The following PACS2 variants were observed in gnomAD, a reference collection of about 807,000 sequenced individuals.
PACS2 encodes the protein phosphofurin acidic cluster sorting protein 2.
In PACS2, 36 loss-of-function variants were observed where a neutral mutation model predicts 113.0. That is an observed-to-expected ratio of 0.32 (90% CI 0.24 to 0.42). PACS2 has a LOEUF of 0.42. Among genes scored for constraint, PACS2 ranks in the 10% least tolerant of loss-of-function variants. The pLI is 1.00. For synonymous variants in PACS2, 589 were observed against 536.1 expected, an observed-to-expected ratio of 1.10 and a Z score of -1.36; for missense variants, 1,015 against 1,239.5, an observed-to-expected ratio of 0.82 and a Z score of 2.72.
chr14:105,360,401 G>A (rs587685332), intron 4 of PACS2, among the ~76,000 whole-genome samples: 5 of 152,004 alleles, frequency 3.3e-5, no homozygotes, highest in East Asian at 1.9e-4. Context: ...AAAATTAGCC[G>A]GGCGTCGTGG....
chr14:105,314,249 C>T (rs1439983452), upstream of PACS2, among the ~76,000 whole-genome samples: 2 of 148,924 alleles, frequency 1.3e-5, no homozygotes, highest in African/African-American at 4.9e-5. Context: ...CGGGGGTCGG[C>T]AGGAGACAAG....
intron 1 of PACS2, among the ~76,000 whole-genome samples, chr14:105,306,468 T>G (rs1262794353): frequency 6.6e-6 from 1 of 151,940 alleles, no homozygotes; most frequent in Non-Finnish European, 1.5e-5. Flanking sequence ...CATGCCCGGC[T>G]AATTTTTTGT....
In PACS2 at chr14:105,392,797, A is replaced by G. The variant is rs782617721; in HGVS notation, c.2434A>G (p.Thr812Ala). 1.9e-6 allele frequency: 3 copies of G among 1,609,428 alleles called. No homozygotes were observed. Among genetic ancestry groups the G allele is most frequent in the South Asian group, 2.2e-5 (2 of 91,066 alleles). ...RLPSSGEAAA[T>A]PTMSMTVVTK... The stretch of plus-strand genomic sequence containing the variant: ...GCCCAGCAGCGGCGAGGCTGCAGCC[A>G]CGCCCACCATGTCCATGACCGTGGT... The change falls in exon 23 of 25, where the codon ACG (threonine) becomes GCG (alanine). Residue 812 changes from threonine (T) to alanine (A), a missense_variant. Coordinates refer to ENST00000447393, the MANE Select transcript of PACS2 (RefSeq NM_001100913.3).
intron 1 of PACS2, among the ~76,000 whole-genome samples, chr14:105,347,054 C>A (rs782753726): frequency 7.2e-6 from 1 of 138,080 alleles, no homozygotes; most frequent in Non-Finnish European, 1.6e-5. Flanking sequence ...CCGCTGTCCC[C>A]GTTGCACCTC....
chr14:105,344,406 C>T (rs2059843879), intron 1 of PACS2, among the ~76,000 whole-genome samples: 1 of 152,030 alleles, frequency 6.6e-6, no homozygotes, highest in Non-Finnish European at 1.5e-5. Context: ...TTCTCCCACA[C>T]CCGGCCCAGA....
chr14:105,380,904 G>A lies in PACS2; in HGVS notation c.1126-53G>A, dbSNP rs1422140917. The A allele has an allele frequency of 1.1e-5, 17 of 1,550,448 alleles. No individual in the cohort carries two copies. The Admixed American group carries it at 1.8e-4, about 17-fold the overall frequency. On this transcript the variant is annotated intron_variant, in intron 11 of 24. Transcript: ENST00000447393. ...CAGAGGCCACAGGGCTGGAGAGGCCGCAGCACGGGTGTGGTTTCCACGGGA... is the reference window on the plus strand; with the variant it reads ...CAGAGGCCACAGGGCTGGAGAGGCCACAGCACGGGTGTGGTTTCCACGGGA...
intron 1 of PACS2, among the ~76,000 whole-genome samples, chr14:105,339,588 T>C (rs1044172878): frequency 5.3e-5 from 8 of 151,154 alleles, no homozygotes; most frequent in Non-Finnish European, 1.2e-4. Context: ...CCTAGCACTT[T>C]GGGAGGCTGA....
rs144032528 is a variant in PACS2 at position 105,393,430 on chromosome 14, C to T, written c.2596+95C>T. The T allele has an allele frequency of 2.4e-4, 170 of 712,136 alleles. 2 individuals carry two copies. The Middle Eastern group carries it at 2.6e-3, about 11-fold the overall frequency. 44.1% of individuals were successfully genotyped at this position (712,136 alleles called of 1,614,324 possible). A position where few individuals can be genotyped will look rare whatever the true frequency, so the allele number is the denominator to read the frequency against. ...CCCAGCCTAGGAGCTGCGGGTGTCTCGCTGTGACACGCACATTCCACGATT... is the reference window on the plus strand; with the variant it reads ...CCCAGCCTAGGAGCTGCGGGTGTCTTGCTGTGACACGCACATTCCACGATT... On this transcript the variant is annotated intron_variant, in intron 24 of 24. Transcript: ENST00000447393.
chr14:105,376,724 G>A lies in PACS2; in HGVS notation c.802-44G>A, dbSNP rs1340795995. 1.0e-5 allele frequency: 16 copies of A among 1,595,982 alleles called. No individual in the cohort carries two copies. The highest frequency in any genetic ancestry group is 1.3e-5 in the Non-Finnish European group (15 of 1,168,996). On this transcript the variant is annotated intron_variant, in intron 8 of 24. Coordinates refer to ENST00000447393, the MANE Select transcript of PACS2 (RefSeq NM_001100913.3). This position sits in a 1 kb window ranked among gnomAD's most constrained non-coding sequence, Gnocchi z 4.7. ...TCTCGGGCGCCCCCAGTGGGGCAAT[G>A]TGGGCTGCTGCAGGGAACTCACGCG... is the stretch of plus-strand genomic sequence containing the variant.
intron 16 of PACS2, 45 bp downstream of exon 16, chr14:105,383,558 G>T: frequency 1.3e-6 from 2 of 1,531,188 alleles, no homozygotes; most frequent in Non-Finnish European, 1.8e-6. Context: ...AGATGCCACG[G>T]GCAGTGTGGC....
At chr14:105,341,553 T>A (rs1315481228) in intron 1 of PACS2, among the ~76,000 whole-genome samples, 5 of 152,232 alleles carry the variant, frequency 3.3e-5, no homozygotes, top group African/African-American at 1.2e-4. Context: ...CTGGTGTCTT[T>A]GTTATGATTC....
At position 105,382,029 on chromosome 14, in the gene PACS2, G is replaced by T. The variant is rs372204325; in HGVS notation, c.1384G>T (p.Ala462Ser). The change falls in exon 13 of 25, where the codon GCC becomes TCC. Residue 462 changes from alanine to serine, a missense_variant. Ala to Ser is a moderately conservative substitution (Grantham distance 99). Coordinates refer to ENST00000447393, the MANE Select transcript of PACS2 (RefSeq NM_001100913.3). Reference protein sequence around the residue: ...NSLDNERCPDARSQLQVQLQI... With the variant: ...NSLDNERCPDSRSQLQVQLQI... Reference sequence around the variant, plus strand: ...CCTGGACAACGAGCGCTGCCCGGACGCCCGGAGCCAGCTACAGGTGCAGCT... The same window carrying T: ...CCTGGACAACGAGCGCTGCCCGGACTCCCGGAGCCAGCTACAGGTGCAGCT... The T allele has an allele frequency of 1.9e-5, 29 of 1,549,214 alleles. No individual in the cohort carries two copies. The highest frequency in any genetic ancestry group is 2.7e-5 in the African/African-American group (2 of 72,996).
rs2058496239 is a variant in PACS2, at chr14:105,314,859, C to T, written c.-60C>T. On this transcript the variant is annotated 5_prime_UTR_variant, in exon 1 of 25. Transcript: ENST00000447393. ...GCCCTCCGCGCGCCCGGCCCGCCCGCCGCGCGTCCGCGGCCCGGCCGCAGC... is the reference window on the plus strand; with the variant it reads ...GCCCTCCGCGCGCCCGGCCCGCCCGTCGCGCGTCCGCGGCCCGGCCGCAGC... 5 of 805,310 alleles carry T rather than the reference C, an allele frequency of 6.2e-6. No homozygotes were observed. Among genetic ancestry groups the T allele is most frequent in the Non-Finnish European group, 7.5e-6 (5 of 670,428 alleles). 49.9% of individuals were successfully genotyped at this position (805,310 alleles called of 1,614,324 possible). A position where few individuals can be genotyped will look rare whatever the true frequency, so the allele number is the denominator to read the frequency against.
intron 15 of PACS2, 42 bp downstream of exon 15, chr14:105,382,955 T>G: frequency 1.7e-6 from 2 of 1,186,874 alleles, no homozygotes; most frequent in Non-Finnish European, 2.5e-6. Flanking sequence ...CAAGTACCCC[T>G]CGGGGTCCCT....
At position 105,315,159 on chromosome 14, in the gene PACS2, C is replaced by T. The variant is rs1407227964; in HGVS notation, c.119+122C>T. 1.4e-5 allele frequency: 7 copies of T among 502,116 alleles called. No homozygotes were observed. Among genetic ancestry groups the T allele is most frequent in the Non-Finnish European group, 1.8e-5 (7 of 380,232 alleles). The allele number at this position is 502,116 out of a possible 1,614,324, so 31.1% of individuals were successfully genotyped here. A position where few individuals can be genotyped will look rare whatever the true frequency, so the allele number is the denominator to read the frequency against. On this transcript the variant is annotated intron_variant, in intron 1 of 24. Transcript: ENST00000447393. This position sits in a 1 kb window ranked among gnomAD's most constrained non-coding sequence, Gnocchi z 4.4. ...AGCGGAGCCCAGGTCGCCCCCCGCG[C>T]CCCCGCCCGCCGGTTCGACGCGTGC...
At chr14:105,387,232 G>C (rs2081206991) in intron 19 of PACS2, among the ~76,000 whole-genome samples, 1 of 152,202 alleles carries the variant, frequency 6.6e-6, no homozygotes, top group Non-Finnish European at 1.5e-5. Context: ...TTGTGACGGG[G>C]GACCTGTGCA....
chr14:105,393,521 A>G lies in PACS2; in HGVS notation c.2596+186A>G, dbSNP rs1450175529. 4 of 467,314 alleles carry G rather than the reference A, an allele frequency of 8.6e-6. 1 individual carries two copies. The highest frequency in any genetic ancestry group is 8.4e-5 in the Admixed American group (2 of 23,756). 28.9% of individuals were successfully genotyped at this position (467,314 alleles called of 1,614,324 possible). On this transcript the variant is annotated intron_variant, in intron 24 of 24. Coordinates refer to ENST00000447393, the MANE Select transcript of PACS2 (RefSeq NM_001100913.3). Reference sequence around the variant, plus strand: ...ACAACCTTCCAAATGCTGAGAAAGAATTTTTTTTCAACCCTTTTTGCTTTT... The same window carrying G: ...ACAACCTTCCAAATGCTGAGAAAGAGTTTTTTTTCAACCCTTTTTGCTTTT...
At chr14:105,346,330 C>A (rs1015672975) in intron 1 of PACS2, among the ~76,000 whole-genome samples, 1 of 152,104 alleles carries the variant, frequency 6.6e-6, no homozygotes, top group African/African-American at 2.4e-5. Flanking sequence ...TTGTTTGGAA[C>A]AGGCCGCCCT....
rs782421725 is a variant in PACS2 at position 105,383,437 on chromosome 14, G to T, written c.1704G>T (p.Leu568=). 38 of 1,609,460 alleles carry T rather than the reference G, an allele frequency of 2.4e-5. No homozygotes were observed. The South Asian group carries it at 4.1e-4, about 17-fold the overall frequency. The change falls in exon 16 of 25, where the codon CTG becomes CTT. Residue 568 remains leucine, a synonymous_variant. Coordinates refer to ENST00000447393, the MANE Select transcript of PACS2 (RefSeq NM_001100913.3). The part of the protein sequence containing the change: ...AGAQHYLSAI[L]RLFVEQLSHK... Reference sequence around the variant, plus strand: ...CGCAGCATTACCTCAGTGCCATCCTGCGGCTCTTTGTGGAGCAGCTGTCCC... The same window carrying T: ...CGCAGCATTACCTCAGTGCCATCCTTCGGCTCTTTGTGGAGCAGCTGTCCC...
Sources: gnomAD v4.1 joint callset for allele counts (sites outside exome capture counted in the v4.1 genomes callset) on GRCh38, gnomAD v4.1.1 for gene constraint, Gnocchi (gnomAD v3.1) non-coding constraint, MANE v1.5 for transcripts, NCBI Gene and HGNC (gene_info 2026-07-23, HGNC 2026-07-21) for gene names.